The following LRMDA variants were observed in gnomAD, a reference collection of about 807,000 sequenced individuals.
The protein encoded by LRMDA is leucine rich melanocyte differentiation associated.
A neutral mutation model predicts 29.8 loss-of-function variants in LRMDA; 18 were observed. The ratio of observed to expected loss-of-function variants is 0.60; its 90% CI spans 0.42 to 0.90. LRMDA has a LOEUF of 0.90. LRMDA is among the 40% of genes least tolerant of loss of function. LRMDA has a pLI of 0.00. For missense variants in LRMDA, 273 were observed against 273.9 expected (o/e 1.00, Z 0.02); for synonymous variants, 125 against 109.4 (o/e 1.14, Z -0.89).
chr10:76,433,969 T>G (rs1315282335), intron 6 of LRMDA, among the ~76,000 whole-genome samples: 1 of 152,214 alleles, frequency 6.6e-6, no homozygotes, highest in Non-Finnish European at 1.5e-5. Flanking sequence ...CAAATCCAAA[T>G]GCATGGTTGA....
rs544855821 is a variant in LRMDA, at chr10:76,205,001, A to G, written c.517-119400A>G. ...ATGACAGTGATATATTTGACAAATG[A>G]GGGCCCCACATAATAAGTAGTCATT... On this transcript the variant is annotated intron_variant, in intron 5 of 6. Coordinates refer to ENST00000611255, the MANE Select transcript of LRMDA (RefSeq NM_001305581.2). 4.7e-4 allele frequency among the ~76,000 whole-genome samples: 71 copies of G among 152,320 alleles called. No homozygotes were observed. In the Middle Eastern group the frequency reaches 0.02, roughly 44 times the overall value.
At chr10:75,543,658 G>A (rs1840045822) in intron 2 of LRMDA, among the ~76,000 whole-genome samples, 1 of 152,066 alleles carries the variant, frequency 6.6e-6, no homozygotes, top group Non-Finnish European at 1.5e-5. Context: ...TCTGAAATAA[G>A]ATAGATATTT....
At chr10:76,171,302 A>C (rs986600926) in intron 5 of LRMDA, among the ~76,000 whole-genome samples, 6 of 151,952 alleles carry the variant, frequency 3.9e-5, no homozygotes, top group Non-Finnish European at 8.8e-5. Context: ...TGCCTGGCTA[A>C]TTTTTTTTGT....
chr10:76,066,326 A>T (rs556683068), intron 5 of LRMDA, among the ~76,000 whole-genome samples: 11 of 152,358 alleles, frequency 7.2e-5, no homozygotes, highest in Non-Finnish European at 1.6e-4. Flanking sequence ...AACATGCATT[A>T]AGTAGTCACT....
At chr10:75,844,743 G>A (rs185067201) in intron 2 of LRMDA, among the ~76,000 whole-genome samples, 8 of 152,266 alleles carry the variant, frequency 5.3e-5, no homozygotes, top group East Asian at 1.9e-4. Flanking sequence ...AACAAATAGC[G>A]TCTGATCATT....
At chr10:76,146,292 G>A (rs2132158083) in intron 5 of LRMDA, among the ~76,000 whole-genome samples, 1 of 152,034 alleles carries the variant, frequency 6.6e-6, no homozygotes, top group Non-Finnish European at 1.5e-5. Context: ...ACAGTGGGGT[G>A]TTAAAGTCTC....
Position 76,067,497 on chromosome 10 carries a change from G to T in LRMDA, c.516+8714G>T, listed in dbSNP as rs1386957344. Among the ~76,000 whole-genome samples, 4 of 152,158 alleles carry T rather than the reference G, an allele frequency of 2.6e-5. No homozygotes were observed. The South Asian group carries it at 8.3e-4, about 32-fold the overall frequency. On this transcript the variant is annotated intron_variant, in intron 5 of 6. Transcript: ENST00000611255. ...TAAAGATGTTTACTTAAGAAATTGG[G>T]TTCTGGAGAGTAAAGTTAGGGTTCT...
intron 2 of LRMDA, among the ~76,000 whole-genome samples, chr10:75,779,930 A>T (rs1843360525): frequency 6.6e-6 from 1 of 152,242 alleles, no homozygotes; most frequent in South Asian, 2.1e-4. Flanking sequence ...AGATGAAATC[A>T]TACTGGATTT....
At chr10:76,431,171 G>T (rs1022766200) in intron 6 of LRMDA, among the ~76,000 whole-genome samples, 2 of 152,160 alleles carry the variant, frequency 1.3e-5, no homozygotes, top group Admixed American at 6.5e-5. Flanking sequence ...GGAAAAAAAA[G>T]ATCTAAATAT....
chr10:75,800,245 T>C (rs1018983042), intron 2 of LRMDA, among the ~76,000 whole-genome samples: 2 of 152,230 alleles, frequency 1.3e-5, no homozygotes, highest in African/African-American at 4.8e-5. Context: ...CTGATCATAG[T>C]CTCTGCCTTG....
At chr10:76,105,694 A>C (rs1849469521) in intron 5 of LRMDA, among the ~76,000 whole-genome samples, 1 of 152,072 alleles carries the variant, frequency 6.6e-6, no homozygotes, top group Admixed American at 6.5e-5. Context: ...GGCCCTGCAG[A>C]CTTCTTGATT....
intron 6 of LRMDA, among the ~76,000 whole-genome samples, chr10:76,328,163 T>A (rs945506835): frequency 6.6e-6 from 1 of 152,198 alleles, no homozygotes; most frequent in Non-Finnish European, 1.5e-5. Context: ...AGTTGTTCCC[T>A]CGTGGCAATC....
intron 2 of LRMDA, among the ~76,000 whole-genome samples, chr10:75,676,617 C>G (rs1259148601): frequency 5.3e-5 from 8 of 152,150 alleles, no homozygotes; most frequent in Admixed American, 2.6e-4. Flanking sequence ...ATTCCTCTGT[C>G]TTTGGTTCGT....
chr10:76,193,519 T>C (rs970113034), intron 5 of LRMDA, among the ~76,000 whole-genome samples: 14 of 152,146 alleles, frequency 9.2e-5, no homozygotes, highest in African/African-American at 2.4e-4. Context: ...TTTTAGAATA[T>C]TGAGTTTTGT....
chr10:75,974,246 G>A (rs998571275), intron 2 of LRMDA, among the ~76,000 whole-genome samples: 1 of 152,154 alleles, frequency 6.6e-6, no homozygotes, highest in African/African-American at 2.4e-5. Context: ...AACACACCTT[G>A]CTGAGCCTGA....
chr10:75,987,028 T>C (rs1289947724), intron 2 of LRMDA, among the ~76,000 whole-genome samples: 2 of 152,226 alleles, frequency 1.3e-5, no homozygotes, highest in African/African-American at 4.8e-5. Flanking sequence ...AAAGTCTTAG[T>C]TTGGAGCTGC....
chr10:76,279,682 A>T (rs1382129279), intron 5 of LRMDA, among the ~76,000 whole-genome samples: 2 of 151,416 alleles, frequency 1.3e-5, no homozygotes, highest in Non-Finnish European at 2.9e-5. Flanking sequence ...AGTAGCTGGG[A>T]TTACAGGTGC....
intron 2 of LRMDA, among the ~76,000 whole-genome samples, chr10:75,542,814 A>G (rs1358664053): frequency 2.0e-5 from 3 of 152,214 alleles, no homozygotes; most frequent in Admixed American, 6.5e-5. Context: ...AGAAATTTCA[A>G]GATTGGTTTC....
intron 2 of LRMDA, among the ~76,000 whole-genome samples, chr10:75,563,519 TTC>T (rs1840328132): frequency 6.6e-6 from 1 of 152,206 alleles, no homozygotes; most frequent in Non-Finnish European, 1.5e-5. Flanking sequence ...TGAAGCCTTC[TTC>T]TCTCAACTCG....
Sources: gnomAD v4.1 joint callset for allele counts (sites outside exome capture counted in the v4.1 genomes callset) on GRCh38, gnomAD v4.1.1 for gene constraint, MANE v1.5 for transcripts, NCBI Gene and HGNC (gene_info 2026-07-23, HGNC 2026-07-21) for gene names.